XYLT1: variants seen among roughly 807,000 people sequenced by gnomAD.
XYLT1 encodes the protein beta-D-xylosyltransferase 1.
A neutral mutation model predicts 91.3 loss-of-function variants in XYLT1; 36 were observed. The observed-to-expected ratio is 0.39, with a 90% confidence interval of 0.30 to 0.52. The LOEUF is 0.52. Among genes scored for constraint, XYLT1 ranks in the 20% least tolerant of loss-of-function variants. The probability of loss-of-function intolerance (pLI) is 0.68; values close to 1 mark genes in which losing one functional copy is unlikely to be tolerated. For synonymous variants in XYLT1, 588 were observed against 532.0 expected (o/e 1.11, Z -1.45); for missense variants, 1,242 against 1,284.5 (o/e 0.97, Z 0.51).
At chr16:17,318,989 T>C (rs2034677409) in intron 2 of XYLT1, among the ~76,000 whole-genome samples, 2 of 152,092 alleles carry the variant, frequency 1.3e-5, no homozygotes, top group South Asian at 4.1e-4. Flanking sequence ...GGTTTCACCA[T>C]GTTGGCCTGG....
chr16:17,223,163 C>T (rs1454436420), intron 3 of XYLT1, among the ~76,000 whole-genome samples: 1 of 152,196 alleles, frequency 6.6e-6, no homozygotes, highest in African/African-American at 2.4e-5. Flanking sequence ...AAATTACTAA[C>T]CTTGCCTCCC....
chr16:17,199,712 G>A (rs188071518), intron 4 of XYLT1, among the ~76,000 whole-genome samples: 45 of 152,282 alleles, frequency 3.0e-4, no homozygotes, highest in Non-Finnish European at 4.4e-4. Flanking sequence ...CTCTCTTGCT[G>A]CCGCCATGTA....
chr16:17,369,232 C>T (rs1427993435), intron 1 of XYLT1, among the ~76,000 whole-genome samples: 2 of 150,556 alleles, frequency 1.3e-5, no homozygotes, highest in Admixed American at 6.6e-5. Flanking sequence ...CGGGTTCAAG[C>T]GATTCTCCTG....
chr16:17,203,467 A>C lies in XYLT1; in HGVS notation c.914-2813T>G, dbSNP rs574353788. 2.0e-5 allele frequency among the ~76,000 whole-genome samples: 3 copies of C among 150,028 alleles called. No individual in the cohort carries two copies. In the East Asian group the frequency reaches 5.9e-4, roughly 30 times the overall value. The stretch of plus-strand genomic sequence containing the variant: ...ATTTGTCCATCCAAATCCAACCACT[A>C]ATCTGTCCATCCATCTACCCACCCA... On this transcript the variant is annotated intron_variant, in intron 3 of 11. Transcript: ENST00000261381.
At chr16:17,139,317 A>C (rs991964374) in intron 7 of XYLT1, among the ~76,000 whole-genome samples, 1 of 150,630 alleles carries the variant, frequency 6.6e-6, no homozygotes, top group Non-Finnish European at 1.5e-5. Context: ...CAGCCTTCTG[A>C]TTTCTTCTAA....
At chr16:17,180,402 T>C (rs1251837853) in intron 5 of XYLT1, among the ~76,000 whole-genome samples, 1 of 152,182 alleles carries the variant, frequency 6.6e-6, no homozygotes, top group Admixed American at 6.5e-5. Flanking sequence ...AAATTGCTTC[T>C]GCTTGGCCTT....
chr16:17,164,537 C>T (rs560529448), intron 5 of XYLT1, among the ~76,000 whole-genome samples: 1 of 152,274 alleles, frequency 6.6e-6, no homozygotes, highest in South Asian at 2.1e-4. Flanking sequence ...CTATTTCTCT[C>T]TTCTATAGCC....
intron 3 of XYLT1, among the ~76,000 whole-genome samples, chr16:17,232,006 G>A (rs1340600129): frequency 2.0e-5 from 3 of 150,314 alleles, no homozygotes; most frequent in Non-Finnish European, 4.4e-5. Context: ...GAATTTTTCA[G>A]CCCCTATAAT....
chr16:17,442,255 T>G (rs983591500), intron 1 of XYLT1, among the ~76,000 whole-genome samples: 1 of 152,228 alleles, frequency 6.6e-6, no homozygotes, highest in Non-Finnish European at 1.5e-5. Context: ...TGAAACTGTA[T>G]GCGTGTGTCT....
At chr16:17,293,296 A>G (rs769881058) in intron 2 of XYLT1, among the ~76,000 whole-genome samples, 10 of 152,080 alleles carry the variant, frequency 6.6e-5, no homozygotes, top group Non-Finnish European at 1.5e-4. Flanking sequence ...TTTAACACCC[A>G]ACAACTAGTA....
rs186252018 is a variant in XYLT1 at position 17,236,015 on chromosome 16, C to T, written c.913+22973G>A. ...CCGAGTAGCTGGGACTACAGGAGTG[C>T]GCCACCACACCCAGCTAATTTTTGT... On this transcript the variant is annotated intron_variant, in intron 3 of 11. Transcript: ENST00000261381. Among the ~76,000 whole-genome samples, 701 of 152,174 alleles carry T rather than the reference C, an allele frequency of 4.6e-3. 1 individual carries two copies. Among genetic ancestry groups the T allele is most frequent in the Non-Finnish European group, 7.4e-3 (502 of 68,020 alleles).
chr16:17,187,541 T>C (rs1311271179), intron 5 of XYLT1, among the ~76,000 whole-genome samples: 1 of 118,784 alleles, frequency 8.4e-6, no homozygotes, highest in Admixed American at 1.1e-4. Flanking sequence ...TACTCTAGCC[T>C]GGGTGACAGA....
intron 8 of XYLT1, 50 bp downstream of exon 8, chr16:17,138,305 T>G (rs1285022643): frequency 1.9e-6 from 3 of 1,590,294 alleles, no homozygotes; most frequent in Non-Finnish European, 2.6e-6. Context: ...TGCAGAGGTT[T>G]GTTGGGAAGG....
At chr16:17,262,863 C>T (rs1475109487) in intron 2 of XYLT1, among the ~76,000 whole-genome samples, 8 of 152,098 alleles carry the variant, frequency 5.3e-5, no homozygotes, top group African/African-American at 1.2e-4. Context: ...TAACTCATCC[C>T]GATTAATCCA....
intron 3 of XYLT1, among the ~76,000 whole-genome samples, chr16:17,223,814 C>T (rs2033015157): frequency 6.6e-6 from 1 of 152,254 alleles, no homozygotes; most frequent in Admixed American, 6.5e-5. Flanking sequence ...ATTCAGCCCA[C>T]TGGCTACAGT....
chr16:17,166,662 C>A (rs1037536204), intron 5 of XYLT1, among the ~76,000 whole-genome samples: 8 of 149,644 alleles, frequency 5.3e-5, no homozygotes, highest in Admixed American at 4.0e-4. Context: ...TAGGCGTGCA[C>A]CACAATGTCC....
chr16:17,425,862 A>G (rs977423604), intron 1 of XYLT1, among the ~76,000 whole-genome samples: 3 of 152,140 alleles, frequency 2.0e-5, no homozygotes, highest in Non-Finnish European at 4.4e-5. Flanking sequence ...GCTCCCTCCA[A>G]GAAGCCACCT....
intron 1 of XYLT1, among the ~76,000 whole-genome samples, chr16:17,388,809 T>G (rs1434145259): frequency 6.6e-6 from 1 of 152,194 alleles, no homozygotes; most frequent in Non-Finnish European, 1.5e-5. Flanking sequence ...TGTTTTACCC[T>G]GATGCCAGCC....
At chr16:17,328,298 G>A (rs1455284513) in intron 2 of XYLT1, among the ~76,000 whole-genome samples, 1 of 152,028 alleles carries the variant, frequency 6.6e-6, no homozygotes, top group East Asian at 1.9e-4. Context: ...TGTAATGCCA[G>A]CACTTTGGGA....
Sources: allele counts gnomAD v4.1 joint callset (sites outside exome capture counted in the v4.1 genomes callset), GRCh38; gene constraint gnomAD v4.1.1; transcripts MANE v1.5; gene names NCBI Gene and HGNC (gene_info 2026-07-23, HGNC 2026-07-21).